Variants in ACSL3 observed in about 807,000 individuals in gnomAD.
ACSL3 encodes the protein acyl-CoA synthetase long chain family member 3, also known as fatty acid CoA ligase Acsl3.
In ACSL3, 34 loss-of-function variants were observed where a neutral mutation model predicts 84.7. The ratio of observed to expected loss-of-function variants is 0.40; its 90% confidence interval spans 0.31 to 0.53. The LOEUF (loss-of-function observed/expected upper bound fraction) is 0.53. Ranked by LOEUF, ACSL3 falls within the 20% of genes least tolerant of loss-of-function variation. The probability of loss-of-function intolerance (pLI) is 0.48; values close to 1 mark genes in which losing one functional copy is unlikely to be tolerated. For missense variants in ACSL3, 680 were observed against 873.1 expected (o/e 0.78, Z 2.79); for synonymous variants, 315 against 299.4 (o/e 1.05, Z -0.54).
At chr2:222,927,790 C>T (rs1340298097) in intron 12 of ACSL3, among the ~76,000 whole-genome samples, 3 of 152,136 alleles carry the variant, frequency 2.0e-5, no homozygotes, top group African/African-American at 7.2e-5. Context: ...CTGTGCTTCT[C>T]CTACTTTGTA....
At chr2:222,931,131 C>G (rs1697019643) in intron 14 of ACSL3, among the ~76,000 whole-genome samples, 1 of 45,756 alleles carries the variant, frequency 2.2e-5, no homozygotes, top group South Asian at 1.3e-3. Flanking sequence ...TGCACCCTTG[C>G]CTTGCCCTGC....
At chr2:222,862,827 C>T (rs1695048277) in intron 1 of ACSL3, among the ~76,000 whole-genome samples, 1 of 152,094 alleles carries the variant, frequency 6.6e-6, no homozygotes, top group African/African-American at 2.4e-5. Context: ...ATTTGTAAGG[C>T]TTTAGACTCA....
Position 222,919,205 on chromosome 2 carries a change from A to G in ACSL3, c.805+3A>G. The stretch of plus-strand genomic sequence containing the variant: ...CCTGGGAGCCAAGGCCAGCATGGGT[A>G]TGTTACACTTTTCTAATTCCTTACC... On this transcript the variant is annotated splice_donor_region_variant and intron_variant, in intron 7 of 16. Coordinates refer to ENST00000357430, the MANE Select transcript of ACSL3 (RefSeq NM_004457.5). 6.2e-7 allele frequency: 1 copy of G among 1,613,680 alleles called. No individual in the cohort carries two copies. The highest frequency in any genetic ancestry group is 8.5e-7 in the Non-Finnish European group (1 of 1,179,830).
intron 4 of ACSL3, among the ~76,000 whole-genome samples, chr2:222,914,858 A>G (rs906651868): frequency 6.6e-6 from 1 of 152,228 alleles, no homozygotes; most frequent in Non-Finnish European, 1.5e-5. Flanking sequence ...TAATTACTAG[A>G]TGATTCAGTG....
intron 10 of ACSL3, among the ~76,000 whole-genome samples, chr2:222,923,789 A>AGTAGTTTT (rs1553598293): frequency 6.6e-6 from 1 of 151,692 alleles, no homozygotes; most frequent in Admixed American, 6.6e-5. Context: ...ATAAATAATC[A>AGTAGTTTT]GTAGTTTCTT....
intron 7 of ACSL3, 124 bp downstream of exon 7, chr2:222,919,326 A>T (rs1389386063): frequency 8.9e-7 from 1 of 1,128,006 alleles, no homozygotes; most frequent in Non-Finnish European, 1.2e-6. Context: ...ATCAGTTAGG[A>T]AAACAGGTCC....
At chr2:222,933,057 T>C (rs1391807519) in intron 14 of ACSL3, 109 bp from the exon 15 acceptor site, 1 of 640,732 alleles carries the variant, frequency 1.6e-6, no homozygotes, top group Non-Finnish European at 2.6e-6. Context: ...AAGTTTTAAA[T>C]AATTTGATAG....
intron 12 of ACSL3, among the ~76,000 whole-genome samples, chr2:222,927,914 TTC>T (rs1696925628): frequency 6.6e-6 from 1 of 152,184 alleles, no homozygotes; most frequent in South Asian, 2.1e-4. Context: ...TTCAGTTATG[TTC>T]TCTGTTTTCG....
At chr2:222,936,608 T>TCCCCCCCCCCCCC (rs55915039) in intron 16 of ACSL3, among the ~76,000 whole-genome samples, 53 of 131,186 alleles carry the variant, frequency 4.0e-4, no homozygotes, top group South Asian at 7.5e-4. Flanking sequence ...TTCTGCACCC[T>TCCCCCCCCCCCCC]CCCCCCCCAC....
chr2:222,919,356 T>G lies in ACSL3; in HGVS notation c.805+154T>G. 5.1e-6 allele frequency: 3 copies of G among 589,610 alleles called. No homozygotes were observed. The South Asian group carries it at 1.6e-4, about 31-fold the overall frequency. 36.5% of individuals were successfully genotyped at this position (589,610 alleles called of 1,614,324 possible). A position where few individuals can be genotyped will look rare whatever the true frequency, so the allele number is the denominator to read the frequency against. ...AGGTCCCTCTAGGTATACTTTCATC[T>G]TGTCTTTAAAGAAAGTTTTAAGGAA... On this transcript the variant is annotated intron_variant, in intron 7 of 16. Transcript: ENST00000357430.
At chr2:222,881,954 T>C (rs1695600481) in intron 1 of ACSL3, among the ~76,000 whole-genome samples, 1 of 152,220 alleles carries the variant, frequency 6.6e-6, no homozygotes, top group Non-Finnish European at 1.5e-5. Flanking sequence ...TGCTTGGTTA[T>C]GGTGTATCAT....
At chr2:222,865,006 G>A (rs545285859) in intron 1 of ACSL3, among the ~76,000 whole-genome samples, 5 of 152,206 alleles carry the variant, frequency 3.3e-5, no homozygotes, top group Non-Finnish European at 5.9e-5. Flanking sequence ...GATTTAAAAT[G>A]TGGCTCAGTC....
At chr2:222,883,046 G>A (rs1365454823) in intron 1 of ACSL3, among the ~76,000 whole-genome samples, 1 of 151,956 alleles carries the variant, frequency 6.6e-6, no homozygotes, top group Non-Finnish European at 1.5e-5. Flanking sequence ...GGGATTACAG[G>A]CATGAGCCAC....
At chr2:222,928,534 G>GC (rs1179057202) in intron 12 of ACSL3, among the ~76,000 whole-genome samples, 3 of 152,114 alleles carry the variant, frequency 2.0e-5, no homozygotes, top group Non-Finnish European at 4.4e-5. Context: ...GAGCAGGCAT[G>GC]CCCTCTCTAA....
intron 2 of ACSL3, among the ~76,000 whole-genome samples, chr2:222,899,502 A>G (rs1559287557): frequency 6.6e-6 from 1 of 152,210 alleles, no homozygotes; most frequent in East Asian, 1.9e-4. Flanking sequence ...AATAAATAAA[A>G]AGAGAAAGAT....
intron 1 of ACSL3, among the ~76,000 whole-genome samples, chr2:222,872,697 C>T (rs779290089): frequency 7.9e-5 from 12 of 151,820 alleles, no homozygotes; most frequent in Non-Finnish European, 1.5e-4. Flanking sequence ...TGTGGGGTGC[C>T]GAGGGTGGGG....
intron 1 of ACSL3, among the ~76,000 whole-genome samples, chr2:222,872,961 A>G (rs1244181536): frequency 1.3e-5 from 2 of 152,186 alleles, no homozygotes; most frequent in Non-Finnish European, 2.9e-5. Flanking sequence ...AGCATGCATG[A>G]GACAGAAATA....
intron 4 of ACSL3, among the ~76,000 whole-genome samples, chr2:222,915,593 G>A (rs1172579359): frequency 3.3e-5 from 5 of 151,628 alleles, no homozygotes; most frequent in Non-Finnish European, 5.9e-5. Flanking sequence ...AAGACAATAT[G>A]TTAAAAAACT....
chr2:222,921,192 G>A, intron 7 of ACSL3, 88 bp from the exon 8 acceptor site: 1 of 1,410,350 alleles, frequency 7.1e-7, no homozygotes, highest in Non-Finnish European at 9.8e-7. Context: ...ATTTGATTGA[G>A]TTATTTATTT....
Sources: gnomAD v4.1 joint callset for allele counts (sites outside exome capture counted in the v4.1 genomes callset) on GRCh38, gnomAD v4.1.1 for gene constraint, MANE v1.5 for transcripts, NCBI Gene and HGNC (gene_info 2026-07-23, HGNC 2026-07-21) for gene names.